Variants in SYT16 observed in about 807,000 individuals in gnomAD.
SYT16 encodes the protein synaptotagmin-16.
A neutral mutation model predicts 61.4 loss-of-function variants in SYT16; 42 were observed. The observed-to-expected ratio is 0.68, with a 90% CI of 0.53 to 0.89. The LOEUF (loss-of-function observed/expected upper bound fraction) is 0.89, where lower values mean the gene tolerates loss of function less well. SYT16 is among the 40% of genes least tolerant of loss of function. The probability of loss-of-function intolerance (pLI) is 0.00; values close to 1 mark genes in which losing one functional copy is unlikely to be tolerated. For missense variants in SYT16, 804 were observed against 807.3 expected, an observed-to-expected ratio of 1.00 and a Z score of 0.05; for synonymous variants, 314 against 302.3, an observed-to-expected ratio of 1.04 and a Z score of -0.40.
At chr14:62,068,087 T>C (rs2056136915) in intron 3 of SYT16, among the ~76,000 whole-genome samples, 1 of 152,240 alleles carries the variant, frequency 6.6e-6, no homozygotes, top group Admixed American at 6.5e-5. Flanking sequence ...CATAAAGGTA[T>C]CTGCACTCCC....
In SYT16 at chr14:61,814,994, A is replaced by T. The variant is rs528738270; in HGVS notation, c.-325+2184A>T. Among the ~76,000 whole-genome samples the T allele has an allele frequency of 9.2e-5, 14 of 152,334 alleles. 1 individual carries two copies. The South Asian group carries it at 2.7e-3, about 29-fold the overall frequency. On this transcript the variant is annotated intron_variant, in intron 1 of 7. Coordinates refer to ENST00000683842, the MANE Select transcript of SYT16 (RefSeq NM_001367656.1). ...AGCTCTGGTTCTTAGTCCTAGTTGC[A>T]TATTAGAATTACTCCAGAGAGCTTT...
chr14:62,078,155 C>CTCTCTCTATATA (rs766089633), intron 5 of SYT16, among the ~76,000 whole-genome samples: 15 of 135,932 alleles, frequency 1.1e-4, no homozygotes, highest in African/African-American at 3.5e-4. Flanking sequence ...CTCTCTCTCT[C>CTCTCTCTATATA]TATATATATA....
chr14:61,989,944 C>T (rs866330705), intron 2 of SYT16, among the ~76,000 whole-genome samples: 1 of 152,156 alleles, frequency 6.6e-6, no homozygotes, highest in Non-Finnish European at 1.5e-5. Flanking sequence ...TATGGCTGTA[C>T]TGTATCCGTA....
intron 3 of SYT16, among the ~76,000 whole-genome samples, chr14:62,054,950 ACACATC>A (rs2055480483): frequency 6.6e-6 from 1 of 152,204 alleles, no homozygotes; most frequent in Non-Finnish European, 1.5e-5. Flanking sequence ...CAGCCTGTTT[ACACATC>A]CCAGGCCCTT....
At chr14:61,874,378 G>T (rs572904143) in intron 1 of SYT16, among the ~76,000 whole-genome samples, 2 of 152,296 alleles carry the variant, frequency 1.3e-5, no homozygotes, top group East Asian at 3.9e-4. Context: ...CCGACTTTTT[G>T]TATGAGTGGG....
chr14:62,053,982 G>C (rs1303359981), intron 3 of SYT16, among the ~76,000 whole-genome samples: 1 of 152,144 alleles, frequency 6.6e-6, no homozygotes, highest in Admixed American at 6.6e-5. Context: ...CTAGATTATG[G>C]AAGCCATTTA....
intron 1 of SYT16, among the ~76,000 whole-genome samples, chr14:61,848,776 C>G (rs754318976): frequency 2.0e-5 from 3 of 152,156 alleles, no homozygotes; most frequent in African/African-American, 4.8e-5. Flanking sequence ...GCACCTAAAC[C>G]ACAGGGGCCC....
chr14:61,892,524 G>T (rs1285623006), intron 1 of SYT16, among the ~76,000 whole-genome samples: 2 of 152,042 alleles, frequency 1.3e-5, no homozygotes, highest in Admixed American at 1.3e-4. Context: ...TTGTTCCAGG[G>T]CTGACTCTCC....
At chr14:61,973,759 T>C (rs2051663542) in intron 2 of SYT16, among the ~76,000 whole-genome samples, 2 of 152,048 alleles carry the variant, frequency 1.3e-5, no homozygotes, top group Admixed American at 1.3e-4. Flanking sequence ...TAAGAAAGCA[T>C]AGACAATGTG....
At chr14:62,028,497 C>G (rs2140792184) in intron 3 of SYT16, among the ~76,000 whole-genome samples, 1 of 152,320 alleles carries the variant, frequency 6.6e-6, no homozygotes, top group South Asian at 2.1e-4. Flanking sequence ...CAGCCTGTCT[C>G]TTAACCACAA....
intron 1 of SYT16, among the ~76,000 whole-genome samples, chr14:61,928,708 T>A (rs2049634039): frequency 6.6e-6 from 1 of 152,172 alleles, no homozygotes; most frequent in Non-Finnish European, 1.5e-5. Context: ...AGATATCGGC[T>A]ACTCTTCTGT....
chr14:62,023,038 C>G (rs571444454), intron 3 of SYT16, among the ~76,000 whole-genome samples: 5 of 152,256 alleles, frequency 3.3e-5, no homozygotes, highest in African/African-American at 1.2e-4. Context: ...TTTCTGTTGA[C>G]TGATTTTCTC....
intron 1 of SYT16, among the ~76,000 whole-genome samples, chr14:61,899,687 C>T (rs1013790184): frequency 2.6e-5 from 4 of 152,176 alleles, no homozygotes; most frequent in African/African-American, 9.7e-5. Flanking sequence ...TGGTCTCTGT[C>T]TTAGGCAGCG....
chr14:61,968,216 G>A (rs956898768), intron 1 of SYT16, among the ~76,000 whole-genome samples: 11 of 152,102 alleles, frequency 7.2e-5, no homozygotes, highest in Non-Finnish European at 1.2e-4. Flanking sequence ...AGCCAGGATC[G>A]CGCCACTGCA....
chr14:61,915,742 C>T lies in SYT16; in HGVS notation c.-324-54390C>T, dbSNP rs538196651. ...TCCTGTGTGTTGGCGTCCAGTGTGA[C>T]TATGCTTTGTCAATTGATCTTTCTA... On this transcript the variant is annotated intron_variant, in intron 1 of 7. Coordinates refer to ENST00000683842, the MANE Select transcript of SYT16 (RefSeq NM_001367656.1). Among the ~76,000 whole-genome samples the T allele has an allele frequency of 3.3e-5, 5 of 152,346 alleles. No homozygotes were observed. The South Asian group carries it at 8.3e-4, about 25-fold the overall frequency.
In SYT16 at chr14:62,048,173, A is replaced by G. The variant is rs541572509; in HGVS notation, c.524-21430A>G. ...TTCAGAATCTGTTATTGGTCCATTC[A>G]GGGATTCAACTTCTTCCTGGTTTAG... On this transcript the variant is annotated intron_variant, in intron 3 of 7. Coordinates refer to ENST00000683842, the MANE Select transcript of SYT16 (RefSeq NM_001367656.1). Among the ~76,000 whole-genome samples the G allele has an allele frequency of 7.2e-5, 11 of 152,340 alleles. No homozygotes were observed. In the South Asian group the frequency reaches 2.3e-3, roughly 32 times the overall value.
intron 5 of SYT16, chr14:62,077,730 A>T (rs1032987397): frequency 6.6e-6 from 1 of 152,170 alleles, no homozygotes; most frequent in Admixed American, 6.5e-5. Flanking sequence ...GCATTCACAA[A>T]TCTTTTTCTC....
At chr14:61,982,711 A>G (rs1045710846) in intron 2 of SYT16, among the ~76,000 whole-genome samples, 3 of 152,114 alleles carry the variant, frequency 2.0e-5, no homozygotes, top group Non-Finnish European at 4.4e-5. Flanking sequence ...ATCTCCCCCT[A>G]CTTTATGGGA....
At chr14:62,017,196 A>T (rs1167449589) in intron 3 of SYT16, among the ~76,000 whole-genome samples, 3 of 152,216 alleles carry the variant, frequency 2.0e-5, no homozygotes, top group African/African-American at 7.2e-5. Flanking sequence ...TAGAGATCCA[A>T]AGTTTCATTG....
Sources: allele counts gnomAD v4.1 joint callset (sites outside exome capture counted in the v4.1 genomes callset), GRCh38; gene constraint gnomAD v4.1.1; transcripts MANE v1.5; gene names NCBI Gene and HGNC (gene_info 2026-07-23, HGNC 2026-07-21).